HDAC4: variants seen among roughly 807,000 people sequenced by gnomAD.
HDAC4 encodes histone deacetylase 4.
HDAC4 carries 16 observed loss-of-function variants against 135.1 expected under a neutral mutation model. That is an observed-to-expected ratio of 0.12 (90% CI 0.08 to 0.18). The LOEUF (loss-of-function observed/expected upper bound fraction) is 0.18. Among genes scored for constraint, HDAC4 ranks in the 10% least tolerant of loss-of-function variants. HDAC4 has a pLI of 1.00. For synonymous variants in HDAC4, 685 were observed against 653.4 expected (o/e 1.05, Z -0.74); for missense variants, 1,143 against 1,511.8 (o/e 0.76, Z 4.05).
intron 19 of HDAC4, chr2:239,085,939 G>T (rs553848408): frequency 1.4e-5 from 2 of 148,026 alleles, no homozygotes; most frequent in East Asian, 4.1e-4. Flanking sequence ...CTAACACGCG[G>T]ATCTGACTAT....
chr2:239,190,641 C>A (rs1215854273), intron 3 of HDAC4, among the ~76,000 whole-genome samples: 1 of 152,136 alleles, frequency 6.6e-6, no homozygotes, highest in Non-Finnish European at 1.5e-5. Context: ...GAGACAAGCG[C>A]CCCCTTGGAA....
intron 2 of HDAC4, among the ~76,000 whole-genome samples, chr2:239,323,929 T>C (rs2125780582): frequency 6.6e-6 from 1 of 152,272 alleles, no homozygotes; most frequent in East Asian, 1.9e-4. Context: ...AAAGAAACAG[T>C]GCAAATTTCA....
upstream of HDAC4, chr2:239,401,577 G>C (rs1697000820): frequency 4.3e-6 from 1 of 230,232 alleles, no homozygotes; most frequent in Admixed American, 6.2e-5. Context: ...GCGCTTAGAG[G>C]GCACACAATG....
chr2:239,120,408 C>CAG (rs1559467004), intron 12 of HDAC4, among the ~76,000 whole-genome samples: 25 of 145,092 alleles, frequency 1.7e-4, no homozygotes, highest in African/African-American at 2.7e-4. Flanking sequence ...CACAGACACA[C>CAG]ACACACAGAC....
chr2:239,400,689 T>C lies in HDAC4; in HGVS notation c.-220+289A>G, dbSNP rs1006874946. The C allele has an allele frequency of 6.9e-6, 1 of 145,578 alleles. No homozygotes were observed. The highest frequency in any genetic ancestry group is 1.5e-5 in the Non-Finnish European group (1 of 65,454). 9.0% of individuals were successfully genotyped at this position (145,578 alleles called of 1,614,324 possible). A position where few individuals can be genotyped will look rare whatever the true frequency, so the allele number is the denominator to read the frequency against. ...GCGGGCGCCGGGCCGGGGCTGCGCT[T>C]ACCGCGGCGGGCGGCGGCGGCCGGC... is the stretch of plus-strand genomic sequence containing the variant. On this transcript the variant is annotated intron_variant, in intron 1 of 26. Coordinates refer to ENST00000543185, the MANE Select transcript of HDAC4 (RefSeq NM_001378414.1). The surrounding 1 kb of genome is among the most constrained non-coding windows in gnomAD (Gnocchi z 4.7).
At position 239,134,408 on chromosome 2, in the gene HDAC4, G is replaced by C; in HGVS notation, c.1131C>G (p.Thr377=). Residue 377 remains threonine, a synonymous_variant, in exon 11 of 27, where the codon ACC becomes ACG. Transcript: ENST00000543185. ...AGAGCCTCTGCTGGAGGGCGGGAAG[G>C]GTGAGTCTCTCGGCGTCCTGCTGGC... The part of the protein sequence containing the change: ...TAGQQDAERL[T]LPALQQRLSL... 6 of 1,613,758 alleles carry C rather than the reference G, an allele frequency of 3.7e-6. No individual in the cohort carries two copies. Among genetic ancestry groups the C allele is most frequent in the African/African-American group, 1.3e-5 (1 of 75,052 alleles).
At chr2:239,117,794 G>C (rs1266840561) in intron 12 of HDAC4, among the ~76,000 whole-genome samples, 1 of 152,164 alleles carries the variant, frequency 6.6e-6, no homozygotes, top group African/African-American at 2.4e-5. Flanking sequence ...TCGAGGGACG[G>C]TGGGACAAGC....
chr2:239,333,130 T>C (rs1691697146), intron 2 of HDAC4, among the ~76,000 whole-genome samples: 1 of 152,086 alleles, frequency 6.6e-6, no homozygotes. Flanking sequence ...AAGAAAGAAA[T>C]AGCATCTTTC....
chr2:239,393,557 G>A (rs1696368666), intron 1 of HDAC4, among the ~76,000 whole-genome samples: 1 of 152,096 alleles, frequency 6.6e-6, no homozygotes, highest in Non-Finnish European at 1.5e-5. Context: ...TCACAATGCA[G>A]CCCCGAAACT....
In HDAC4 at chr2:239,354,123, T is replaced by C. The variant is rs535825738; in HGVS notation, c.-219-1205A>G. ...TTCTGACATGCTTCCTTGCCGTTGT[T>C]TTTCTTTGCCTTTTGCCCATACGAA... On this transcript the variant is annotated intron_variant, in intron 1 of 26. Transcript: ENST00000543185. 1.1e-4 allele frequency among the ~76,000 whole-genome samples: 17 copies of C among 152,336 alleles called. No homozygotes were observed. The East Asian group carries it at 3.3e-3, about 29-fold the overall frequency.
intron 2 of HDAC4, among the ~76,000 whole-genome samples, chr2:239,238,853 G>A (rs1192455966): frequency 2.0e-5 from 3 of 152,198 alleles, no homozygotes; most frequent in African/African-American, 7.2e-5. Flanking sequence ...TCAGATCAAG[G>A]TGCAGCTTAG....
At position 239,352,985 on chromosome 2, in the gene HDAC4, T is replaced by A; in HGVS notation, c.-219-67A>T. On this transcript the variant is annotated intron_variant, in intron 1 of 26. Coordinates refer to ENST00000543185, the MANE Select transcript of HDAC4 (RefSeq NM_001378414.1). This position sits in a 1 kb window ranked among gnomAD's most constrained non-coding sequence, Gnocchi z 4.4. ...GGAAGTTCCGATCTGGAAAACAACA[T>A]CCAACTAGGGAAATGATGACTTCCT... 3 of 459,806 alleles carry A rather than the reference T, an allele frequency of 6.5e-6. No homozygotes were observed. Among genetic ancestry groups the A allele is most frequent in the Non-Finnish European group, 4.0e-6 (1 of 251,048 alleles). 28.5% of individuals were successfully genotyped at this position (459,806 alleles called of 1,614,324 possible).
intron 12 of HDAC4, among the ~76,000 whole-genome samples, chr2:239,123,027 C>G (rs997460852): frequency 1.3e-5 from 2 of 152,228 alleles, no homozygotes; most frequent in African/African-American, 2.4e-5. Flanking sequence ...TGGGAAAACA[C>G]TGTCTAAACG....
rs55990119 is a variant in HDAC4 at position 239,295,306 on chromosome 2, CAAAAAAAAA to C, written c.22+57363_22+57371del. On this transcript the variant is annotated intron_variant, in intron 2 of 26. Coordinates refer to ENST00000543185, the MANE Select transcript of HDAC4 (RefSeq NM_001378414.1). ...TGGGTGACAGAGCAAGACTCCGTCTCAAAAAAAAAAAAAAAAAAAAAAAAAAAGATGATT... is the reference window on the plus strand; with the variant it reads ...TGGGTGACAGAGCAAGACTCCGTCTCAAAAAAAAAAAAAAAAAAGATGATT... Among the ~76,000 whole-genome samples, 4 of 46,560 alleles carry C rather than the reference CAAAAAAAAA, an allele frequency of 8.6e-5. No individual in the cohort carries two copies. The East Asian group carries it at 2.4e-3, about 28-fold the overall frequency. 30.5% of individuals were successfully genotyped at this position (46,560 alleles called of 152,430 possible).
chr2:239,089,060 C>A (rs924492293), intron 18 of HDAC4, among the ~76,000 whole-genome samples: 6 of 152,098 alleles, frequency 3.9e-5, no homozygotes, highest in Non-Finnish European at 5.9e-5. Flanking sequence ...GAGGAGGCCA[C>A]GATTTGATTT....
chr2:239,140,026 C>T (rs540353808), intron 8 of HDAC4, among the ~76,000 whole-genome samples: 3 of 152,326 alleles, frequency 2.0e-5, no homozygotes, highest in African/African-American at 7.2e-5. Context: ...TGTACGTTAC[C>T]AATTTTATAC....
chr2:239,072,411 T>C (rs930158257), intron 22 of HDAC4, among the ~76,000 whole-genome samples: 1 of 152,190 alleles, frequency 6.6e-6, no homozygotes, highest in African/African-American at 2.4e-5. Context: ...ACCAAGCCCT[T>C]GTGTGAGTAG....
intron 1 of HDAC4, among the ~76,000 whole-genome samples, chr2:239,359,414 C>T (rs906254017): frequency 2.6e-5 from 4 of 152,246 alleles, no homozygotes; most frequent in Admixed American, 6.5e-5. Context: ...GGCCAGAATC[C>T]GGCTGTGTCA....
intron 3 of HDAC4, among the ~76,000 whole-genome samples, chr2:239,213,889 A>G (rs1433563726): frequency 2.6e-5 from 4 of 152,262 alleles, no homozygotes; most frequent in African/African-American, 7.2e-5. Flanking sequence ...TATGCAAAGC[A>G]TGTGCCTAAC....
Sources: allele counts gnomAD v4.1 joint callset (sites outside exome capture counted in the v4.1 genomes callset), GRCh38; gene constraint gnomAD v4.1.1; non-coding constraint Gnocchi (gnomAD v3.1); transcripts MANE v1.5; gene names NCBI Gene and HGNC (gene_info 2026-07-23, HGNC 2026-07-21).